Variants in TMEM192 observed in about 807,000 individuals in gnomAD.
TMEM192 encodes the protein transmembrane protein 192.
A neutral mutation model predicts 26.7 loss-of-function variants in TMEM192; 20 were observed. The observed-to-expected ratio is 0.75, with a 90% CI of 0.53 to 1.09. The LOEUF (loss-of-function observed/expected upper bound fraction) is 1.09, where lower values mean the gene tolerates loss of function less well. TMEM192 is among the 50% of genes least tolerant of loss of function. The probability of loss-of-function intolerance (pLI) is 0.00; values close to 1 mark genes in which losing one functional copy is unlikely to be tolerated. For missense variants in TMEM192, 304 were observed against 322.6 expected (o/e 0.94, Z 0.44); for synonymous variants, 124 against 121.0 (o/e 1.02, Z -0.16).
intron 3 of TMEM192, among the ~76,000 whole-genome samples, chr4:165,089,524 C>T (rs1734703993): frequency 6.6e-6 from 1 of 152,168 alleles, no homozygotes; most frequent in Admixed American, 6.5e-5. Context: ...AGGGTTTCAC[C>T]GTGTTAGCCA....
chr4:165,093,932 T>C (rs1414501319), intron 3 of TMEM192, among the ~76,000 whole-genome samples: 2 of 152,026 alleles, frequency 1.3e-5, no homozygotes, highest in Non-Finnish European at 2.9e-5. Context: ...GGAGTTTTGC[T>C]CTTGTTGCCC....
intron 4 of TMEM192, among the ~76,000 whole-genome samples, chr4:165,087,792 C>T (rs1308509658): frequency 1.3e-5 from 2 of 152,118 alleles, no homozygotes; most frequent in African/African-American, 4.8e-5. Flanking sequence ...TGCTAGCCTC[C>T]TAAAGTGCTA....
intron 5 of TMEM192, among the ~76,000 whole-genome samples, chr4:165,081,125 A>G (rs1366936991): frequency 1.3e-5 from 2 of 152,128 alleles, no homozygotes; most frequent in East Asian, 3.8e-4. Context: ...TTTGTCACCC[A>G]CAGACTGTGT....
intron 3 of TMEM192, among the ~76,000 whole-genome samples, chr4:165,094,560 G>A (rs935065253): frequency 6.6e-6 from 1 of 152,056 alleles, no homozygotes; most frequent in Non-Finnish European, 1.5e-5. Flanking sequence ...GGGAGGCTGA[G>A]GCAGAAGAAT....
intron 5 of TMEM192, 76 bp downstream of exon 5, chr4:165,085,510 A>G: frequency 1.1e-6 from 1 of 936,410 alleles, no homozygotes. Flanking sequence ...ACACAATCAT[A>G]AATTCCAAGC....
chr4:165,100,713 GT>G lies in TMEM192; in HGVS notation c.353del (p.His118ProfsTer11). 1 of 1,614,100 alleles carries G rather than the reference GT, an allele frequency of 6.2e-7. No homozygotes were observed. Among genetic ancestry groups the G allele is most frequent in the Non-Finnish European group, 8.5e-7 (1 of 1,180,034 alleles). On this transcript the variant is annotated frameshift_variant, in exon 3 of 6. Transcript: ENST00000306480. LOFTEE classifies it high-confidence loss of function. The stretch of plus-strand genomic sequence containing the variant: ...TATAGCCTCGGTTTCTGATTTTGCT[GT>G]GGTGATACTGGATGTAGCATTCAAG... Reference protein sequence around the residue: ...LLLECYIQYHHSKIRNRGYNL... With the variant: ...LLLECYIQYHXSKIRNRGYNL...
intron 1 of TMEM192, among the ~76,000 whole-genome samples, chr4:165,109,924 C>G (rs192816474): frequency 3.9e-5 from 6 of 152,120 alleles, no homozygotes; most frequent in African/African-American, 1.4e-4. Context: ...ACTTATTGCC[C>G]ATAATATTCA....
chr4:165,090,213 GAA>G (rs35732863), intron 3 of TMEM192, among the ~76,000 whole-genome samples: 2 of 52,070 alleles, frequency 3.8e-5, no homozygotes, highest in Non-Finnish European at 7.0e-5. Context: ...CTCCGTCTTG[GAA>G]AAAAAAAAAA....
At chr4:165,087,096 G>A (rs1052744324) in intron 4 of TMEM192, among the ~76,000 whole-genome samples, 1 of 151,876 alleles carries the variant, frequency 6.6e-6, no homozygotes, top group African/African-American at 2.4e-5. Flanking sequence ...CCTGGGTGAC[G>A]AGAGTGAAAC....
rs140134105 is a variant in TMEM192 at position 165,087,326 on chromosome 4, T to C, written c.574+1142A>G. Among the ~76,000 whole-genome samples, 827 of 152,056 alleles carry C rather than the reference T, an allele frequency of 5.4e-3. 10 individuals carry two copies. The highest frequency in any genetic ancestry group is 0.024 in the Middle Eastern group (7 of 294). ...CTGGATGTAGCCATGCAAGAGATGA[T>C]GAGTACCTAACCAAGGCAGTGGCAG... is the stretch of plus-strand genomic sequence containing the variant. On this transcript the variant is annotated intron_variant, in intron 4 of 5. Transcript: ENST00000306480.
At chr4:165,111,838 G>A (rs1449887182) in intron 1 of TMEM192, among the ~76,000 whole-genome samples, 3 of 152,140 alleles carry the variant, frequency 2.0e-5, no homozygotes, top group Non-Finnish European at 2.9e-5. Flanking sequence ...TCAGTGATAG[G>A]ATCACAGTAA....
chr4:165,099,373 A>G (rs574988670), intron 3 of TMEM192, among the ~76,000 whole-genome samples: 111 of 152,294 alleles, frequency 7.3e-4, no homozygotes, highest in Admixed American at 1.4e-3. Context: ...GGCATGAGCT[A>G]CTGTGCCCGG....
chr4:165,078,027 G>A lies in TMEM192; in HGVS notation c.*1631C>T, dbSNP rs1003865097. On this transcript the variant is annotated 3_prime_UTR_variant, in exon 6 of 6. Transcript: ENST00000306480. ...GATCCTCCTGCCTCAGCCTCCCAAAGTACTAAGATTACAGGCATGAGCAAC... is the reference window on the plus strand; with the variant it reads ...GATCCTCCTGCCTCAGCCTCCCAAAATACTAAGATTACAGGCATGAGCAAC... The A allele has an allele frequency of 4.6e-5, 7 of 150,686 alleles. No individual in the cohort carries two copies. The highest frequency in any genetic ancestry group is 8.8e-5 in the Non-Finnish European group (6 of 67,840). The allele number at this position is 150,686 out of a possible 1,614,324, so 9.3% of individuals were successfully genotyped here. A position where few individuals can be genotyped will look rare whatever the true frequency, so the allele number is the denominator to read the frequency against.
chr4:165,085,773 T>C (rs1165352877), intron 4 of TMEM192, 85 bp from the exon 5 acceptor site: 1 of 972,118 alleles, frequency 1.0e-6, no homozygotes, highest in African/African-American at 1.6e-5. Flanking sequence ...TTGCCGTTCT[T>C]ATTAACGTCC....
intron 3 of TMEM192, among the ~76,000 whole-genome samples, chr4:165,092,112 CTTTTTTTTTTTT>C (rs35641833): frequency 5.1e-4 from 37 of 72,076 alleles, no homozygotes; most frequent in Admixed American, 3.5e-3. Context: ...TAATGCTGTT[CTTTTTTTTTTTT>C]TTTTTTTTTT....
At chr4:165,105,036 C>T (rs1298980045) in intron 1 of TMEM192, among the ~76,000 whole-genome samples, 1 of 152,136 alleles carries the variant, frequency 6.6e-6, no homozygotes, top group Non-Finnish European at 1.5e-5. Context: ...CACCACAGGG[C>T]CTTTCTGGAT....
chr4:165,094,480 A>T (rs1269375608), intron 3 of TMEM192, among the ~76,000 whole-genome samples: 1 of 152,110 alleles, frequency 6.6e-6, no homozygotes, highest in Non-Finnish European at 1.5e-5. Flanking sequence ...CAACAGGGAG[A>T]AACCCCATCT....
rs1734427078 is a variant in TMEM192 at position 165,077,930 on chromosome 4, T to A, written c.*1728A>T. On this transcript the variant is annotated 3_prime_UTR_variant, in exon 6 of 6. Coordinates refer to ENST00000306480, the MANE Select transcript of TMEM192 (RefSeq NM_001100389.2). ...AATGTTGTGTGCAGGTGACACACGA[T>A]CTTTTTTTTTTTTTTTTGAGAGACA... The A allele has an allele frequency of 2.7e-5, 4 of 150,714 alleles. No homozygotes were observed. The highest frequency in any genetic ancestry group is 7.3e-5 in the African/African-American group (3 of 41,066). The allele number at this position is 150,714 out of a possible 1,614,324, so 9.3% of individuals were successfully genotyped here.
Position 165,100,929 on chromosome 4 carries a change from A to G in TMEM192, c.175-37T>C, listed in dbSNP as rs748913128. The G allele has an allele frequency of 5.3e-6, 8 of 1,504,360 alleles. No individual in the cohort carries two copies. In the African/African-American group the frequency reaches 1.1e-4, roughly 22 times the overall value. The allele number at this position is 1,504,360 out of a possible 1,614,324, so 93.2% of individuals were successfully genotyped here. ...GAGAGCAGAAAGATTAATATTCAAT[A>G]TTTGTAATTAGGAAGCAATAACTAC... On this transcript the variant is annotated intron_variant, in intron 2 of 5. Transcript: ENST00000306480.
Sources: allele counts gnomAD v4.1 joint callset (sites outside exome capture counted in the v4.1 genomes callset), GRCh38; gene constraint gnomAD v4.1.1; transcripts MANE v1.5; gene names NCBI Gene and HGNC (gene_info 2026-07-23, HGNC 2026-07-21).